Variants in COL25A1 observed in about 807,000 individuals in gnomAD.
COL25A1 encodes collagen alpha-1(XXV) chain.
A neutral mutation model predicts 128.4 loss-of-function variants in COL25A1; 103 were observed. That is an observed-to-expected ratio of 0.80 (90% CI 0.68 to 0.94). The LOEUF is 0.94. Ranked by LOEUF, COL25A1 falls within the 40% of genes least tolerant of loss-of-function variation. COL25A1 has a pLI of 0.00. For synonymous variants in COL25A1, 279 were observed against 277.2 expected (o/e 1.01, Z -0.06); for missense variants, 745 against 840.0 (o/e 0.89, Z 1.40).
intron 3 of COL25A1, among the ~76,000 whole-genome samples, chr4:109,158,043 G>GA (rs1253439032): frequency 6.6e-6 from 1 of 151,756 alleles, no homozygotes; most frequent in Non-Finnish European, 1.5e-5. Context: ...TTGAACTAAA[G>GA]AAAAAAAAGT....
chr4:108,879,516 C>T (rs535011865), intron 19 of COL25A1, among the ~76,000 whole-genome samples: 6 of 151,788 alleles, frequency 4.0e-5, no homozygotes, highest in East Asian at 3.9e-4. Flanking sequence ...GGCATGATCC[C>T]GGCTCACTGC....
chr4:109,047,981 CT>C (rs1396597761), intron 5 of COL25A1, among the ~76,000 whole-genome samples, 186 bp downstream of exon 5: 3 of 152,080 alleles, frequency 2.0e-5, no homozygotes, highest in Non-Finnish European at 1.5e-5. Flanking sequence ...ATCCACCCGC[CT>C]CGGCCTCCCA....
chr4:108,981,490 T>C (rs1560967527), intron 6 of COL25A1, among the ~76,000 whole-genome samples: 1 of 152,152 alleles, frequency 6.6e-6, no homozygotes, highest in East Asian at 1.9e-4. Context: ...TATAGATAAA[T>C]TGTGTGTGTG....
At chr4:108,983,903 A>C (rs1226407381) in intron 6 of COL25A1, among the ~76,000 whole-genome samples, 1 of 152,046 alleles carries the variant, frequency 6.6e-6, no homozygotes, top group Non-Finnish European at 1.5e-5. Context: ...CAAAAGAACA[A>C]AGCTTCCACA....
chr4:108,995,794 A>G (rs1754714618), intron 6 of COL25A1, among the ~76,000 whole-genome samples: 1 of 152,208 alleles, frequency 6.6e-6, no homozygotes, highest in Admixed American at 6.5e-5. Context: ...ATAAGCCAGA[A>G]GAGAGTGGGG....
chr4:109,180,365 T>C (rs1774511538), intron 3 of COL25A1, among the ~76,000 whole-genome samples: 1 of 152,194 alleles, frequency 6.6e-6, no homozygotes, highest in South Asian at 2.1e-4. Context: ...CAACTAGTTA[T>C]TTTAAAACTC....
intron 3 of COL25A1, among the ~76,000 whole-genome samples, chr4:109,225,936 TTATA>T (rs998754775): frequency 6.6e-5 from 10 of 151,500 alleles, no homozygotes; most frequent in Non-Finnish European, 1.0e-4. Flanking sequence ...TAGTTTGTAT[TTATA>T]TAAATATATG....
intron 3 of COL25A1, among the ~76,000 whole-genome samples, chr4:109,212,385 T>C (rs1777640002): frequency 1.3e-5 from 2 of 152,152 alleles, no homozygotes; most frequent in Non-Finnish European, 2.9e-5. Flanking sequence ...AGACTCTCTA[T>C]GTGGCTTGGC....
intron 3 of COL25A1, among the ~76,000 whole-genome samples, chr4:109,110,237 G>A (rs1211903485): frequency 6.6e-6 from 1 of 152,162 alleles, no homozygotes; most frequent in Admixed American, 6.6e-5. Context: ...TACCAAGTCA[G>A]TGATTTGTGA....
At chr4:108,939,827 T>C (rs998856231) in intron 10 of COL25A1, among the ~76,000 whole-genome samples, 2 of 152,196 alleles carry the variant, frequency 1.3e-5, no homozygotes, top group African/African-American at 4.8e-5. Context: ...GTTGCCTCTA[T>C]GAAATCAAAC....
At chr4:108,938,073 C>T (rs1747650950) in intron 10 of COL25A1, among the ~76,000 whole-genome samples, 1 of 152,076 alleles carries the variant, frequency 6.6e-6, no homozygotes, top group Non-Finnish European at 1.5e-5. Context: ...TTTAGGATGA[C>T]ATAAAGATAA....
In COL25A1 at chr4:109,226,841, T is replaced by C. The variant is rs533617289; in HGVS notation, c.367+73742A>G. On this transcript the variant is annotated intron_variant, in intron 3 of 37. Transcript: ENST00000399132. ...AAATAGGCAATAATAATATTAATAA[T>C]ATACACATTTTTGCAAGCACAAACA... Among the ~76,000 whole-genome samples, 458 of 152,258 alleles carry C rather than the reference T, an allele frequency of 3.0e-3. 1 individual carries two copies. Among genetic ancestry groups the C allele is most frequent in the African/African-American group, 0.011 (438 of 41,570 alleles).
chr4:108,984,085 G>T (rs1753370929), intron 6 of COL25A1, among the ~76,000 whole-genome samples: 1 of 152,092 alleles, frequency 6.6e-6, no homozygotes, highest in South Asian at 2.1e-4. Context: ...GTTCTCCAAG[G>T]CCGCACCAGA....
At chr4:108,872,067 C>T (rs1462926332) in intron 19 of COL25A1, among the ~76,000 whole-genome samples, 1 of 152,128 alleles carries the variant, frequency 6.6e-6, no homozygotes, top group Non-Finnish European at 1.5e-5. Flanking sequence ...TACAATAACA[C>T]GAAGACATTA....
Position 108,817,428 on chromosome 4 carries a change from T to A in COL25A1, c.1931A>T (p.Asp644Val). The A allele has an allele frequency of 6.2e-7, 1 of 1,613,262 alleles. No homozygotes were observed. Among genetic ancestry groups the A allele is most frequent in the Non-Finnish European group, 8.5e-7 (1 of 1,179,382 alleles). ...CCAACAGCCAGGCATGGGTAAGCCA[T>A]CTGGCCCCTGTTTTAAAGAGAAGAA... ...GLDAPCQLGP[D>V]GLPMPGCWQK Residue 644 changes from aspartate (D) to valine (V), a missense_variant, in exon 37 of 38, where the codon GAT becomes GTT. Asp to Val is a radical substitution (Grantham distance 152). Coordinates refer to ENST00000399132, the MANE Select transcript of COL25A1 (RefSeq NM_198721.4).
intron 2 of COL25A1, among the ~76,000 whole-genome samples, chr4:109,301,516 A>G (rs1725523449): frequency 6.6e-6 from 1 of 152,178 alleles, no homozygotes; most frequent in Non-Finnish European, 1.5e-5. Flanking sequence ...GTGAGGGAAG[A>G]TTAGAGATAG....
chr4:109,062,738 A>G (rs935204820), intron 3 of COL25A1, among the ~76,000 whole-genome samples: 1 of 152,194 alleles, frequency 6.6e-6, no homozygotes, highest in African/African-American at 2.4e-5. Context: ...ATCAGGTTTA[A>G]TCATTCCTCA....
chr4:108,859,570 G>A, intron 24 of COL25A1, 86 bp downstream of exon 24: 1 of 1,050,870 alleles, frequency 9.5e-7, no homozygotes, highest in South Asian at 1.5e-5. Context: ...AGGATAGAGG[G>A]TGTGGAAGCT....
At chr4:109,299,491 C>T (rs1192641977) in intron 3 of COL25A1, among the ~76,000 whole-genome samples, 1 of 152,074 alleles carries the variant, frequency 6.6e-6, no homozygotes, top group African/African-American at 2.4e-5. Flanking sequence ...AAGGTACAAC[C>T]TGGAGTTGAC....
Sources: allele counts gnomAD v4.1 joint callset (sites outside exome capture counted in the v4.1 genomes callset), GRCh38; gene constraint gnomAD v4.1.1; transcripts MANE v1.5; gene names NCBI Gene and HGNC (gene_info 2026-07-23, HGNC 2026-07-21).